Variants in TRPS1 observed in about 807,000 individuals in gnomAD.
TRPS1 encodes the protein transcriptional repressor GATA binding 1.
Under a neutral mutation model 101.2 loss-of-function variants are expected in TRPS1, and 6 were observed. The ratio of observed to expected loss-of-function variants is 0.06; its 90% CI spans 0.03 to 0.12. The LOEUF is 0.12. Among genes scored for constraint, TRPS1 ranks in the 10% least tolerant of loss-of-function variants. TRPS1 has a pLI of 1.00. For missense variants in TRPS1, 1,363 were observed against 1,567.0 expected (o/e 0.87, Z 2.20); for synonymous variants, 578 against 589.8 (o/e 0.98, Z 0.29).
chr8:115,598,489 T>G (rs942177265), intron 4 of TRPS1, among the ~76,000 whole-genome samples: 2 of 151,794 alleles, frequency 1.3e-5, no homozygotes, highest in Non-Finnish European at 2.9e-5. Flanking sequence ...TTATTTTTTG[T>G]TTTTTTTAGA....
chr8:115,651,158 C>T (rs1811550622), intron 1 of TRPS1, among the ~76,000 whole-genome samples: 1 of 152,184 alleles, frequency 6.6e-6, no homozygotes, highest in Non-Finnish European at 1.5e-5. Flanking sequence ...CATAGTGTCT[C>T]ACATATAATA....
chr8:115,427,979 C>T (rs533749637), intron 5 of TRPS1, among the ~76,000 whole-genome samples: 2 of 152,266 alleles, frequency 1.3e-5, no homozygotes, highest in Admixed American at 6.5e-5. Context: ...CCTCTCATAG[C>T]GCCTGCTACA....
At chr8:115,520,664 ATTAT>A (rs1815836120) in intron 5 of TRPS1, among the ~76,000 whole-genome samples, 2 of 151,744 alleles carry the variant, frequency 1.3e-5, no homozygotes, top group East Asian at 3.9e-4. Context: ...TCACAAAAGG[ATTAT>A]TTAATTACCT....
intron 5 of TRPS1, among the ~76,000 whole-genome samples, chr8:115,496,415 T>C (rs1477142453): frequency 6.6e-6 from 1 of 152,188 alleles, no homozygotes; most frequent in Non-Finnish European, 1.5e-5. Flanking sequence ...TACATCTGGA[T>C]AAGGTTTCCT....
At chr8:115,426,711 C>T (rs80070769) in intron 5 of TRPS1, among the ~76,000 whole-genome samples, 3,571 of 152,128 alleles carry the variant, frequency 0.023, 152 homozygotes, top group African/African-American at 0.081. Context: ...AAAATATTTA[C>T]AAATAACTTT....
Position 115,414,942 on chromosome 8 carries a change from T to C in TRPS1, c.2966A>G (p.Asn989Ser). The change falls in exon 7 of 7, where the codon AAT becomes AGT. Residue 989 changes from asparagine (N) to serine (S), a missense_variant. Physicochemically the swap from Asn to Ser is conservative, Grantham distance 46. This residue lies in a region of TRPS1 where 307 missense variants were observed against 392.4 expected (regional missense o/e 0.78). Transcript: ENST00000395715. This position sits in a 1 kb window ranked among gnomAD's most constrained non-coding sequence, Gnocchi z 4.8. ...TGACCTCCTCTCTAACGGGCTTCCATTGACTTGCTCCTCATTGCTGCCCCT... is the reference window on the plus strand; with the variant it reads ...TGACCTCCTCTCTAACGGGCTTCCACTGACTTGCTCCTCATTGCTGCCCCT... ...QQRGSNEEQV[N>S]GSPLERRSED... is the part of the protein sequence containing the mutation. 1 of 1,597,232 alleles carries C rather than the reference T, an allele frequency of 6.3e-7. No homozygotes were observed. The highest frequency in any genetic ancestry group is 2.2e-5 in the East Asian group (1 of 44,738).
At chr8:115,540,500 C>A (rs1038833644) in intron 5 of TRPS1, among the ~76,000 whole-genome samples, 2 of 152,020 alleles carry the variant, frequency 1.3e-5, no homozygotes, top group East Asian at 3.9e-4. Context: ...ATAAAAAGAT[C>A]TTGAGAATAG....
At chr8:115,471,318 C>T (rs1814463173) in intron 5 of TRPS1, among the ~76,000 whole-genome samples, 1 of 151,972 alleles carries the variant, frequency 6.6e-6, no homozygotes, top group Non-Finnish European at 1.5e-5. Context: ...TCACATGATG[C>T]CAGGAAGGAG....
At chr8:115,514,727 G>A (rs139475528) in intron 5 of TRPS1, among the ~76,000 whole-genome samples, 67 of 151,210 alleles carry the variant, frequency 4.4e-4, no homozygotes, top group African/African-American at 1.6e-3. Flanking sequence ...ATTACATGAC[G>A]CAATTCCAAA....
intron 5 of TRPS1, among the ~76,000 whole-genome samples, chr8:115,485,027 T>C (rs1814843452): frequency 6.6e-6 from 1 of 152,226 alleles, no homozygotes; most frequent in Admixed American, 6.5e-5. Context: ...ATCTAGGACC[T>C]GTTCTGAAGG....
At chr8:115,582,417 TA>T (rs1397348085) in intron 5 of TRPS1, among the ~76,000 whole-genome samples, 1 of 152,214 alleles carries the variant, frequency 6.6e-6, no homozygotes, top group Non-Finnish European at 1.5e-5. Context: ...CTTTAAACTA[TA>T]AATTTAACGC....
At chr8:115,504,537 G>T (rs558703506) in intron 5 of TRPS1, among the ~76,000 whole-genome samples, 1 of 152,310 alleles carries the variant, frequency 6.6e-6, no homozygotes, top group Non-Finnish European at 1.5e-5. Context: ...ACCCAACTGA[G>T]AATTGGCCCT....
At chr8:115,522,492 T>C (rs925771774) in intron 5 of TRPS1, among the ~76,000 whole-genome samples, 1 of 152,020 alleles carries the variant, frequency 6.6e-6, no homozygotes, top group Non-Finnish European at 1.5e-5. Flanking sequence ...CAAAGTAAAG[T>C]GTCTGGTCGC....
At chr8:115,631,865 G>GA (rs1818653827) in intron 1 of TRPS1, among the ~76,000 whole-genome samples, 1 of 152,018 alleles carries the variant, frequency 6.6e-6, no homozygotes, top group Admixed American at 6.6e-5. Flanking sequence ...TATTTCGGCT[G>GA]AAAAAAGAAT....
intron 5 of TRPS1, among the ~76,000 whole-genome samples, chr8:115,530,719 G>A (rs1185506561): frequency 6.6e-6 from 1 of 152,058 alleles, no homozygotes; most frequent in Non-Finnish European, 1.5e-5. Context: ...AGAAAATGTG[G>A]CACATATACA....
At chr8:115,636,826 C>T (rs376574578) in intron 1 of TRPS1, among the ~76,000 whole-genome samples, 24 of 151,838 alleles carry the variant, frequency 1.6e-4, no homozygotes, top group African/African-American at 5.1e-4. Flanking sequence ...GCAGGAGAAT[C>T]GCTTGAACCT....
At chr8:115,533,716 G>T (rs954685856) in intron 5 of TRPS1, among the ~76,000 whole-genome samples, 5 of 151,876 alleles carry the variant, frequency 3.3e-5, no homozygotes, top group African/African-American at 1.2e-4. Flanking sequence ...TTAAACAACA[G>T]AAATAAATTT....
intron 5 of TRPS1, among the ~76,000 whole-genome samples, chr8:115,563,814 T>C (rs1031648434): frequency 1.3e-5 from 2 of 152,116 alleles, no homozygotes; most frequent in Non-Finnish European, 2.9e-5. Context: ...TGGGTACTGC[T>C]AGAGTATACA....
chr8:115,572,594 A>G (rs1817230523), intron 5 of TRPS1, among the ~76,000 whole-genome samples: 2 of 152,128 alleles, frequency 1.3e-5, no homozygotes, highest in Non-Finnish European at 2.9e-5. Flanking sequence ...TAGCTTAGTC[A>G]TGGTAATGCT....
Sources: gnomAD v4.1 joint callset for allele counts (sites outside exome capture counted in the v4.1 genomes callset) on GRCh38, gnomAD v4.1.1 for gene constraint, gnomAD v4.1.1 regional missense constraint, Gnocchi (gnomAD v3.1) non-coding constraint, MANE v1.5 for transcripts, NCBI Gene and HGNC (gene_info 2026-07-23, HGNC 2026-07-21) for gene names.